Variants in MICU1 observed in about 807,000 individuals in gnomAD.
The protein encoded by MICU1 is calcium uptake protein 1, mitochondrial.
Under a neutral mutation model 56.8 loss-of-function variants are expected in MICU1, and 45 were observed. The ratio of observed to expected loss-of-function variants is 0.79; its 90% CI spans 0.62 to 1.02. The LOEUF (loss-of-function observed/expected upper bound fraction) is 1.02, where lower values mean the gene tolerates loss of function less well. Among genes scored for constraint, MICU1 ranks in the 50% least tolerant of loss-of-function variants. The pLI is 0.00. For synonymous variants in MICU1, 186 were observed against 195.1 expected, an observed-to-expected ratio of 0.95 and a Z score of 0.39; for missense variants, 504 against 587.1, an observed-to-expected ratio of 0.86 and a Z score of 1.46.
intron 8 of MICU1, among the ~76,000 whole-genome samples, chr10:72,449,263 T>C (rs1383977649): frequency 6.6e-6 from 1 of 152,074 alleles, no homozygotes; most frequent in Non-Finnish European, 1.5e-5. Flanking sequence ...CAAGGCATGG[T>C]GGCAGGTGCC....
chr10:72,577,510 A>G (rs78471282), intron 1 of MICU1, among the ~76,000 whole-genome samples: 1 of 132,924 alleles, frequency 7.5e-6, no homozygotes, highest in South Asian at 2.3e-4. Flanking sequence ...ACTCCGTCTC[A>G]AAAAAAAAAA....
chr10:72,551,320 T>C lies in MICU1; in HGVS notation c.352A>G (p.Ile118Val), dbSNP rs1282587260. 6.2e-7 allele frequency: 1 copy of C among 1,610,288 alleles called. No individual in the cohort carries two copies. The change falls in exon 4 of 12, where the codon ATT becomes GTT. Residue 118 changes from isoleucine (I) to valine (V), a missense_variant. Transcript: ENST00000361114. ...TTGTCTGGCGTGGAGTAGGCTCGAA[T>C]CCTATTCTCATATTCCATCACCTAA... ...DRKVMEYENRIRAYSTPDKIF... is the reference protein window; with the variant it reads ...DRKVMEYENRVRAYSTPDKIF...
At chr10:72,457,406 G>C (rs991822940) in intron 8 of MICU1, among the ~76,000 whole-genome samples, 1 of 148,116 alleles carries the variant, frequency 6.8e-6, no homozygotes, top group African/African-American at 2.5e-5. Flanking sequence ...TTTGGTAGTA[G>C]AGATGGGTCT....
chr10:72,367,991 TG>T lies in MICU1; in HGVS notation c.*203del. The T allele has an allele frequency of 1.8e-6, 1 of 542,770 alleles. No homozygotes were observed. The allele number at this position is 542,770 out of a possible 1,614,324, so 33.6% of individuals were successfully genotyped here. ...ACTTGTTCATGTTTTTGAGAACCTATGGGGATACTCATTGGGCAGAATCAGA... is the reference window on the plus strand; with the variant it reads ...ACTTGTTCATGTTTTTGAGAACCTATGGGATACTCATTGGGCAGAATCAGA... On this transcript the variant is annotated 3_prime_UTR_variant, in exon 12 of 12. Coordinates refer to ENST00000361114, the MANE Select transcript of MICU1 (RefSeq NM_001195518.2).
chr10:72,594,897 G>A (rs1446933806), intron 1 of MICU1, among the ~76,000 whole-genome samples: 1 of 69,300 alleles, frequency 1.4e-5, no homozygotes, highest in Non-Finnish European at 3.6e-5. Flanking sequence ...ATGACAAAGT[G>A]AGACCCTGTC....
chr10:72,440,149 A>G (rs1244025948), intron 8 of MICU1, among the ~76,000 whole-genome samples: 1 of 152,186 alleles, frequency 6.6e-6, no homozygotes, highest in East Asian at 1.9e-4. Flanking sequence ...ACTTCAAACT[A>G]TACTACAAGG....
At chr10:72,376,252 TG>T (rs1185343789) in intron 10 of MICU1, among the ~76,000 whole-genome samples, 1 of 151,456 alleles carries the variant, frequency 6.6e-6, no homozygotes, top group Non-Finnish European at 1.5e-5. Context: ...CTCTCCAGCC[TG>T]GGAGAGTGAG....
chr10:72,463,850 C>T (rs1865708922), intron 8 of MICU1, among the ~76,000 whole-genome samples: 1 of 152,214 alleles, frequency 6.6e-6, no homozygotes, highest in Non-Finnish European at 1.5e-5. Flanking sequence ...AAACCAATTT[C>T]CAGTCCTGCA....
chr10:72,605,109 A>G (rs1841650135), intron 1 of MICU1, among the ~76,000 whole-genome samples: 1 of 152,220 alleles, frequency 6.6e-6, no homozygotes, highest in Non-Finnish European at 1.5e-5. Flanking sequence ...CTAATAAAAC[A>G]GGGTGCAGTA....
intron 1 of MICU1, among the ~76,000 whole-genome samples, chr10:72,588,052 C>T (rs1841113170): frequency 6.6e-6 from 1 of 152,062 alleles, no homozygotes; most frequent in South Asian, 2.1e-4. Context: ...GAGGAGTTGC[C>T]TCATGGGAGG....
chr10:72,482,103 A>G (rs925061270), intron 6 of MICU1, among the ~76,000 whole-genome samples: 36 of 152,218 alleles, frequency 2.4e-4, no homozygotes, highest in African/African-American at 8.7e-4. Context: ...AATCAGATAA[A>G]CACTAGCTGT....
At chr10:72,604,276 T>C (rs1397265088) in intron 1 of MICU1, among the ~76,000 whole-genome samples, 3 of 151,042 alleles carry the variant, frequency 2.0e-5, no homozygotes, top group Non-Finnish European at 3.0e-5. Flanking sequence ...CTGCCCTTTT[T>C]TTTTTTTTTT....
intron 5 of MICU1, among the ~76,000 whole-genome samples, chr10:72,526,682 T>G (rs1194540842): frequency 1.3e-5 from 2 of 152,196 alleles, no homozygotes; most frequent in African/African-American, 4.8e-5. Flanking sequence ...AACATATAAT[T>G]AATCAATATT....
chr10:72,536,594 G>A (rs7896228), intron 4 of MICU1, among the ~76,000 whole-genome samples: 5,491 of 151,656 alleles, frequency 0.036, 307 homozygotes, highest in African/African-American at 0.12. Flanking sequence ...CTCATGATCC[G>A]CCCGCCTCAG....
intron 8 of MICU1, among the ~76,000 whole-genome samples, chr10:72,440,104 C>A (rs1394672949): frequency 6.6e-6 from 1 of 152,100 alleles, no homozygotes; most frequent in East Asian, 1.9e-4. Context: ...CAATCCTAAG[C>A]CAAAAGAACA....
Position 72,439,313 on chromosome 10 carries a change from C to T in MICU1, c.934-15942G>A, listed in dbSNP as rs370750888. The stretch of plus-strand genomic sequence containing the variant: ...AATGACAAAAACCACATGATTATCT[C>T]AATAGATGCAGAAAAGGCCTTTGAC... On this transcript the variant is annotated intron_variant, in intron 8 of 11. Transcript: ENST00000361114. Among the ~76,000 whole-genome samples, 4 of 152,328 alleles carry T rather than the reference C, an allele frequency of 2.6e-5. No individual in the cohort carries two copies. The East Asian group carries it at 5.8e-4, about 22-fold the overall frequency.
intron 10 of MICU1, among the ~76,000 whole-genome samples, chr10:72,385,475 G>C (rs771372222): frequency 1.3e-5 from 2 of 152,068 alleles, no homozygotes; most frequent in African/African-American, 4.8e-5. Context: ...AGGTGACAGA[G>C]CAAGACTGTC....
chr10:72,390,425 T>C (rs1339771906), intron 10 of MICU1, among the ~76,000 whole-genome samples: 2 of 152,120 alleles, frequency 1.3e-5, no homozygotes, highest in Admixed American at 1.3e-4. Flanking sequence ...GCAGCAGGAG[T>C]GCTGCAAGAA....
At chr10:72,514,018 A>AT (rs143863281) in intron 5 of MICU1, among the ~76,000 whole-genome samples, 8,108 of 148,866 alleles carry the variant, frequency 0.054, 724 homozygotes, top group African/African-American at 0.19. Context: ...AGCTCTGTGC[A>AT]TTTTTTTTTT....
Sources: allele counts gnomAD v4.1 joint callset (sites outside exome capture counted in the v4.1 genomes callset), GRCh38; gene constraint gnomAD v4.1.1; transcripts MANE v1.5; gene names NCBI Gene and HGNC (gene_info 2026-07-23, HGNC 2026-07-21).